The following CD163 variants were observed in gnomAD, a reference collection of about 807,000 sequenced individuals.
CD163 encodes scavenger receptor cysteine-rich type 1 protein M130.
A neutral mutation model predicts 129.2 loss-of-function variants in CD163; 64 were observed. The observed-to-expected ratio is 0.50, with a 90% CI of 0.41 to 0.61. The LOEUF is 0.61. CD163 is among the 20% of genes least tolerant of loss of function. The probability of loss-of-function intolerance (pLI) is 0.00; values close to 1 mark genes in which losing one functional copy is unlikely to be tolerated. For missense variants in CD163, 1,061 were observed against 1,377.9 expected, an observed-to-expected ratio of 0.77 and a Z score of 3.64; for synonymous variants, 446 against 478.5, an observed-to-expected ratio of 0.93 and a Z score of 0.89.
intron 16 of CD163, among the ~76,000 whole-genome samples, chr12:7,478,762 CT>C (rs780232458): frequency 6.6e-6 from 1 of 151,628 alleles, no homozygotes; most frequent in African/African-American, 2.4e-5. Context: ...CTTGTACAGT[CT>C]TTACCATAGC....
chr12:7,497,161 C>A, intron 4 of CD163, 28 bp from the exon 5 acceptor site: 1 of 1,577,168 alleles, frequency 6.3e-7, no homozygotes, highest in South Asian at 1.1e-5. Flanking sequence ...AACAGGTCTG[C>A]GATAAGGAAG....
intron 6 of CD163, among the ~76,000 whole-genome samples, chr12:7,492,182 T>G (rs754216881): frequency 2.0e-5 from 3 of 151,922 alleles, no homozygotes; most frequent in Non-Finnish European, 2.9e-5. Context: ...TAGAAGAACT[T>G]CCAAAACCTA....
chr12:7,492,017 G>A (rs11829957), intron 6 of CD163, among the ~76,000 whole-genome samples: 1,590 of 152,160 alleles, frequency 0.01, 29 homozygotes, highest in African/African-American at 0.036. Context: ...GATCAAATTC[G>A]TAGCTTGAAT....
At chr12:7,502,716 C>T (rs1181835270) in intron 1 of CD163, 152 bp from the exon 2 acceptor site, 1 of 663,802 alleles carries the variant, frequency 1.5e-6, no homozygotes, top group Admixed American at 2.6e-5. Context: ...AACATTCATA[C>T]CCAGGCTCAT....
At chr12:7,498,367 T>C (rs937612746) in intron 4 of CD163, among the ~76,000 whole-genome samples, 1 of 152,036 alleles carries the variant, frequency 6.6e-6, no homozygotes, top group Non-Finnish European at 1.5e-5. Context: ...ACAATGCATA[T>C]CTAGTATAAA....
At chr12:7,498,399 A>G (rs1056036765) in intron 4 of CD163, among the ~76,000 whole-genome samples, 1 of 152,148 alleles carries the variant, frequency 6.6e-6, no homozygotes, top group Non-Finnish European at 1.5e-5. Context: ...TGAGAAACCA[A>G]TATTGATTTT....
Position 7,488,452 on chromosome 12 carries a change from T to C in CD163, c.1421-365A>G, listed in dbSNP as rs750206094. 2.1e-4 allele frequency among the ~76,000 whole-genome samples: 32 copies of C among 152,362 alleles called. No individual in the cohort carries two copies. In the South Asian group the frequency reaches 5.8e-3, roughly 28 times the overall value. Reference sequence around the variant, plus strand: ...TCTTAGTCTTGCACTCATTCCTCCATGTACTGCAATCTGGGGTCTGCTCAA... The same window carrying C: ...TCTTAGTCTTGCACTCATTCCTCCACGTACTGCAATCTGGGGTCTGCTCAA... On this transcript the variant is annotated intron_variant, in intron 6 of 16. Transcript: ENST00000432237.
chr12:7,481,037 G>T, intron 15 of CD163, 124 bp downstream of exon 15: 2 of 1,423,380 alleles, frequency 1.4e-6, no homozygotes, highest in Non-Finnish European at 1.8e-6. Flanking sequence ...TCCATTATAT[G>T]CATCTAAGCT....
chr12:7,491,623 T>A (rs1219412476), intron 6 of CD163, among the ~76,000 whole-genome samples: 2 of 152,052 alleles, frequency 1.3e-5, no homozygotes, highest in East Asian at 3.8e-4. Flanking sequence ...TTAACTAGAA[T>A]TACTTCCTTT....
Position 7,485,433 on chromosome 12 carries a change from A to G in CD163, c.2459-17T>C, listed in dbSNP as rs1565401456. 1 of 1,595,768 alleles carries G rather than the reference A, an allele frequency of 6.3e-7. No individual in the cohort carries two copies. Among genetic ancestry groups the G allele is most frequent in the South Asian group, 1.1e-5 (1 of 89,792 alleles). On this transcript the variant is annotated splice_polypyrimidine_tract_variant and intron_variant, in intron 10 of 16. Transcript: ENST00000432237. The surrounding 1 kb of genome is among the most constrained non-coding windows in gnomAD (Gnocchi z 4.5). ...ACATGAATTCTGCAGCGAAACATAGAATTAGTAGTTTTGCATCTTTTCTGA... is the reference window on the plus strand; with the variant it reads ...ACATGAATTCTGCAGCGAAACATAGGATTAGTAGTTTTGCATCTTTTCTGA...
intron 2 of CD163, 48 bp downstream of exon 2, chr12:7,502,430 C>A: frequency 8.2e-7 from 1 of 1,217,942 alleles, no homozygotes; most frequent in South Asian, 1.2e-5. Flanking sequence ...TTTAACTGTT[C>A]TTGTCAGAGT....
Position 7,486,677 on chromosome 12 carries a change from C to T in CD163, c.2280G>A (p.Leu760=). ...LSDAHVVCRQ[L]GCGEAINATG... ...TGGCATTAATGGCCTCTCCACAGCC[C>T]AGCTGTCTGCAAACCACGTGGGCAT... The change falls in exon 10 of 17, where the codon CTG becomes CTA. Residue 760 remains leucine (L), a synonymous_variant. Coordinates refer to ENST00000432237, the MANE Select transcript of CD163 (RefSeq NM_203416.4). The T allele has an allele frequency of 1.2e-6, 2 of 1,614,170 alleles. No homozygotes were observed. The highest frequency in any genetic ancestry group is 1.7e-6 in the Non-Finnish European group (2 of 1,180,032).
rs757152352 is a variant in CD163 at position 7,483,617 on chromosome 12, A to C, written c.2838T>G (p.His946Gln). 2 of 1,613,210 alleles carry C rather than the reference A, an allele frequency of 1.2e-6. No individual in the cohort carries two copies. Among genetic ancestry groups the C allele is most frequent in the East Asian group, 4.5e-5 (2 of 44,796 alleles). Residue 946 changes from histidine to glutamine, a missense_variant, in exon 12 of 17, where the codon CAT (histidine) becomes CAG (glutamine). Physicochemically the swap from His to Gln is conservative, Grantham distance 24. Transcript: ENST00000432237. ...CACACACTGTCCCCCAGGAACCTCC[A>C]TGCCAGATCTCCACACGTCCAGAAC... ...TSCSGRVEIW[H>Q]GGSWGTVCDD...
intron 11 of CD163, among the ~76,000 whole-genome samples, chr12:7,484,245 G>C (rs1949216612): frequency 6.6e-6 from 1 of 152,076 alleles, no homozygotes; most frequent in Non-Finnish European, 1.5e-5. Flanking sequence ...CCCAGTAAAT[G>C]TTAAATGATT....
At chr12:7,486,448 C>T in intron 10 of CD163, 51 bp downstream of exon 10, 1 of 1,521,482 alleles carries the variant, frequency 6.6e-7, no homozygotes, top group Non-Finnish European at 9.0e-7. Context: ...ACTACCCTTC[C>T]TCAGTCCTTT....
At chr12:7,482,786 G>C in intron 13 of CD163, 24 bp from the exon 14 acceptor site, 2 of 1,613,264 alleles carry the variant, frequency 1.2e-6, no homozygotes, top group Non-Finnish European at 1.7e-6. Context: ...AATATCAAGA[G>C]ATATGATCAT....
At position 7,487,008 on chromosome 12, in the gene CD163, G is replaced by A. The variant is rs770517616; in HGVS notation, c.2051-22C>T. On this transcript the variant is annotated intron_variant, in intron 8 of 16. Transcript: ENST00000432237. This position sits in a 1 kb window ranked among gnomAD's most constrained non-coding sequence, Gnocchi z 5.1. ...TTTCCTGCAAACACCAAGGTACTCAGTCATACAAGACACAAAAGGTTAGGG... is the reference window on the plus strand; with the variant it reads ...TTTCCTGCAAACACCAAGGTACTCAATCATACAAGACACAAAAGGTTAGGG... 1.3e-6 allele frequency: 2 copies of A among 1,586,294 alleles called. No individual in the cohort carries two copies. The highest frequency in any genetic ancestry group is 8.7e-7 in the Non-Finnish European group (1 of 1,155,780).
In CD163 at chr12:7,488,070, G is replaced by C; in HGVS notation, c.1438C>G (p.Leu480Val). The C allele has an allele frequency of 1.2e-6, 2 of 1,612,186 alleles. No individual in the cohort carries two copies. The highest frequency in any genetic ancestry group is 1.7e-6 in the Non-Finnish European group (2 of 1,179,242). Residue 480 changes from leucine (L) to valine (V), a missense_variant, in exon 7 of 17, where the codon CTG becomes GTG. Transcript: ENST00000432237. ...ITCSAHREPR[L>V]VGGDIPCSGR... ...GAACAGGGAATGTCCCCTCCAACCA[G>C]TCTGGGTTCCCTGTGGGCTGAAAAA...
chr12:7,479,318 C>A (rs6488337), intron 16 of CD163, among the ~76,000 whole-genome samples: 1 of 152,044 alleles, frequency 6.6e-6, no homozygotes, highest in African/African-American at 2.4e-5. Context: ...GTTCAATATA[C>A]GTTTTTGAAT....
Sources: allele counts gnomAD v4.1 joint callset (sites outside exome capture counted in the v4.1 genomes callset), GRCh38; gene constraint gnomAD v4.1.1; non-coding constraint Gnocchi (gnomAD v3.1); transcripts MANE v1.5; gene names NCBI Gene and HGNC (gene_info 2026-07-23, HGNC 2026-07-21).